Variants in ZNF385D observed in about 807,000 individuals in gnomAD.
ZNF385D encodes zinc finger protein 385D.
Under a neutral mutation model 35.8 loss-of-function variants are expected in ZNF385D, and 15 were observed. That is an observed-to-expected ratio of 0.42 (90% CI 0.28 to 0.64). ZNF385D has a LOEUF of 0.64. Among genes scored for constraint, ZNF385D ranks in the 30% least tolerant of loss-of-function variants. The pLI is 0.23. For synonymous variants in ZNF385D, 212 were observed against 186.8 expected (o/e 1.13, Z -1.10); for missense variants, 474 against 494.6 (o/e 0.96, Z 0.39).
At chr3:21,562,305 T>C (rs943926086) in intron 3 of ZNF385D, among the ~76,000 whole-genome samples, 2 of 152,104 alleles carry the variant, frequency 1.3e-5, no homozygotes, top group Admixed American at 6.6e-5. Flanking sequence ...TATAAAAATA[T>C]GTATGTGTTT....
intron 3 of ZNF385D, among the ~76,000 whole-genome samples, chr3:22,082,317 C>T (rs753434381): frequency 3.3e-5 from 5 of 152,138 alleles, no homozygotes; most frequent in Non-Finnish European, 7.4e-5. Context: ...CCATGACAGA[C>T]AGTACCTGGA....
chr3:21,953,954 G>A (rs1328589283), intron 3 of ZNF385D, among the ~76,000 whole-genome samples: 1 of 152,050 alleles, frequency 6.6e-6, no homozygotes, highest in Admixed American at 6.6e-5. Flanking sequence ...GCTTTGCTGA[G>A]CCAGATTTAT....
intron 2 of ZNF385D, among the ~76,000 whole-genome samples, chr3:22,324,316 T>C (rs1468975748): frequency 1.3e-5 from 2 of 152,132 alleles, no homozygotes; most frequent in African/African-American, 2.4e-5. Flanking sequence ...TATTAAGCAG[T>C]AGAACAACAA....
chr3:21,779,130 G>C (rs2071399683), intron 3 of ZNF385D, among the ~76,000 whole-genome samples: 2 of 151,908 alleles, frequency 1.3e-5, no homozygotes, highest in Admixed American at 6.6e-5. Flanking sequence ...AAAATGCCTA[G>C]GGATAAACCA....
intron 2 of ZNF385D, among the ~76,000 whole-genome samples, chr3:21,603,138 C>A (rs896912006): frequency 6.6e-6 from 1 of 152,120 alleles, no homozygotes; most frequent in Admixed American, 6.5e-5. Context: ...TGTATATGTA[C>A]CAAGCCATAT....
intron 1 of ZNF385D, among the ~76,000 whole-genome samples, chr3:21,743,164 C>T (rs891523447): frequency 6.6e-6 from 1 of 152,204 alleles, no homozygotes; most frequent in African/African-American, 2.4e-5. Context: ...ATTTTTCCTA[C>T]TTATCAGTCA....
intron 3 of ZNF385D, among the ~76,000 whole-genome samples, chr3:21,864,500 T>C (rs1697226925): frequency 6.6e-6 from 1 of 152,122 alleles, no homozygotes; most frequent in Non-Finnish European, 1.5e-5. Context: ...TTTTAAATTA[T>C]GGACAGAATG....
intron 3 of ZNF385D, among the ~76,000 whole-genome samples, chr3:21,951,454 G>C (rs927726045): frequency 4.0e-5 from 6 of 151,516 alleles, no homozygotes; most frequent in African/African-American, 9.8e-5. Flanking sequence ...GGGCTGAGAC[G>C]ATCGGGTATT....
At chr3:22,214,266 C>T (rs1697711831) in intron 2 of ZNF385D, among the ~76,000 whole-genome samples, 1 of 152,052 alleles carries the variant, frequency 6.6e-6, no homozygotes, top group African/African-American at 2.4e-5. Context: ...TTTCCTATGC[C>T]TGTCTTTACT....
intron 3 of ZNF385D, among the ~76,000 whole-genome samples, chr3:21,529,283 T>C (rs918123739): frequency 2.6e-5 from 4 of 152,172 alleles, no homozygotes; most frequent in Non-Finnish European, 4.4e-5. Flanking sequence ...GTTTCTGATA[T>C]TCCTCTTTGA....
At chr3:22,364,138 T>A (rs2125517085) in intron 2 of ZNF385D, among the ~76,000 whole-genome samples, 1 of 152,232 alleles carries the variant, frequency 6.6e-6, no homozygotes, top group East Asian at 1.9e-4. Flanking sequence ...GATTTAGTGA[T>A]CCTTTACATA....
At chr3:21,775,725 G>A (rs997889858) in intron 3 of ZNF385D, among the ~76,000 whole-genome samples, 2 of 151,790 alleles carry the variant, frequency 1.3e-5, no homozygotes, top group Non-Finnish European at 2.9e-5. Context: ...TCGATGACAG[G>A]AAATAATTAA....
chr3:21,879,803 T>G (rs148808178), intron 3 of ZNF385D, among the ~76,000 whole-genome samples: 2 of 151,944 alleles, frequency 1.3e-5, no homozygotes. Context: ...AACACTACAG[T>G]TGGTTTTATA....
intron 3 of ZNF385D, among the ~76,000 whole-genome samples, chr3:21,988,249 G>T (rs199992229): frequency 1.1e-3 from 126 of 117,906 alleles, no homozygotes; most frequent in African/African-American, 3.5e-3. Flanking sequence ...GGCGCTCTGC[G>T]TTTTAGAGTT....
At chr3:21,909,948 C>T (rs2125911700) in intron 3 of ZNF385D, among the ~76,000 whole-genome samples, 1 of 152,140 alleles carries the variant, frequency 6.6e-6, no homozygotes, top group African/African-American at 2.4e-5. Flanking sequence ...GCTTTTGTAA[C>T]ATTGACAATT....
intron 3 of ZNF385D, among the ~76,000 whole-genome samples, chr3:22,141,871 G>T (rs1469301323): frequency 6.6e-6 from 1 of 152,210 alleles, no homozygotes; most frequent in East Asian, 1.9e-4. Context: ...AAAGTTCAGT[G>T]ATCTTTATCC....
chr3:21,564,563 GATAAACTTACATCAGA>G lies in ZNF385D; in HGVS notation c.271_276+10del. Reference sequence around the variant, plus strand: ...TTTTTTTTTTAAGTGAACACTAAATGATAAACTTACATCAGAATTAAATCTCAACTGGCAAATGTTG... The same window carrying G: ...TTTTTTTTTTAAGTGAACACTAAATGATTAAATCTCAACTGGCAAATGTTG... On this transcript the variant is annotated splice_donor_variant and splice_donor_5th_base_variant and coding_sequence_variant and intron_variant, in exon 3 of 8. Transcript: ENST00000281523. LOFTEE classifies it high-confidence loss of function. 1.4e-6 allele frequency: 2 copies of G among 1,473,368 alleles called. No individual in the cohort carries two copies. Among genetic ancestry groups the G allele is most frequent in the Non-Finnish European group, 1.8e-6 (2 of 1,096,032 alleles). The allele number at this position is 1,473,368 out of a possible 1,614,324, so 91.3% of individuals were successfully genotyped here.
At chr3:21,788,339 T>G (rs1430608726) in intron 3 of ZNF385D, among the ~76,000 whole-genome samples, 2 of 152,002 alleles carry the variant, frequency 1.3e-5, no homozygotes, top group African/African-American at 4.8e-5. Context: ...TTAGCCGGGC[T>G]TGGTGGCAGG....
intron 3 of ZNF385D, among the ~76,000 whole-genome samples, chr3:21,812,783 A>C (rs1242158198): frequency 1.3e-5 from 2 of 152,212 alleles, no homozygotes; most frequent in Non-Finnish European, 2.9e-5. Flanking sequence ...GGAATAGCTG[A>C]ACAAAAGGCG....
Sources: gnomAD v4.1 joint callset for allele counts (sites outside exome capture counted in the v4.1 genomes callset) on GRCh38, gnomAD v4.1.1 for gene constraint, MANE v1.5 for transcripts, NCBI Gene and HGNC (gene_info 2026-07-23, HGNC 2026-07-21) for gene names.